NRXN3: variants seen among roughly 807,000 people sequenced by gnomAD.
NRXN3 encodes the protein neurexin 3.
NRXN3 carries 32 observed loss-of-function variants against 137.6 expected under a neutral mutation model. The ratio of observed to expected loss-of-function variants is 0.23; its 90% confidence interval spans 0.18 to 0.31. The LOEUF (loss-of-function observed/expected upper bound fraction) is 0.31, where lower values mean the gene tolerates loss of function less well. NRXN3 is among the 10% of genes least tolerant of loss of function. NRXN3 has a pLI of 1.00. For missense variants in NRXN3, 1,574 were observed against 2,062.5 expected (o/e 0.76, Z 4.59); for synonymous variants, 798 against 784.5 (o/e 1.02, Z -0.29).
At chr14:78,906,692 G>A (rs2099217912) in intron 10 of NRXN3, among the ~76,000 whole-genome samples, 1 of 152,014 alleles carries the variant, frequency 6.6e-6, no homozygotes, top group South Asian at 2.1e-4. Context: ...TGGAAATTGA[G>A]CTGGTTTCAA....
chr14:79,445,811 G>C (rs1261453148), intron 15 of NRXN3, among the ~76,000 whole-genome samples: 1 of 152,092 alleles, frequency 6.6e-6, no homozygotes, highest in Non-Finnish European at 1.5e-5. Flanking sequence ...GGTTGGCAAG[G>C]GTCAGATCAT....
chr14:78,196,469 G>A (rs552175052), intron 1 of NRXN3, among the ~76,000 whole-genome samples: 2 of 152,200 alleles, frequency 1.3e-5, no homozygotes, highest in Non-Finnish European at 2.9e-5. Flanking sequence ...TGCCCTTCTT[G>A]TGCTGGGTAG....
intron 4 of NRXN3, among the ~76,000 whole-genome samples, chr14:78,489,810 G>A (rs74064308): frequency 8.5e-5 from 13 of 152,160 alleles, no homozygotes; most frequent in African/African-American, 3.1e-4. Flanking sequence ...GAAATCAGAG[G>A]CAATCAGGAG....
chr14:78,335,671 C>A (rs2081377731), intron 4 of NRXN3, among the ~76,000 whole-genome samples: 1 of 152,208 alleles, frequency 6.6e-6, no homozygotes. Context: ...CTTCCTCCCA[C>A]CTGCCTTTAG....
intron 20 of NRXN3, among the ~76,000 whole-genome samples, chr14:79,855,647 T>C (rs1473895364): frequency 1.3e-5 from 2 of 152,124 alleles, no homozygotes; most frequent in African/African-American, 4.8e-5. Flanking sequence ...TATATAATTA[T>C]ACTTCTACTT....
chr14:79,198,064 T>C (rs2065383846), intron 15 of NRXN3, among the ~76,000 whole-genome samples: 1 of 152,168 alleles, frequency 6.6e-6, no homozygotes, highest in African/African-American at 2.4e-5. Context: ...AGTAATTCAG[T>C]CCCAGTCCCA....
intron 15 of NRXN3, among the ~76,000 whole-genome samples, chr14:79,261,578 A>G (rs2077580101): frequency 1.5e-5 from 2 of 130,710 alleles, no homozygotes; most frequent in African/African-American, 5.7e-5. Flanking sequence ...GAGTGAGATG[A>G]AATCCCACAG....
intron 2 of NRXN3, among the ~76,000 whole-genome samples, chr14:78,244,039 G>C (rs539355361): frequency 6.6e-6 from 1 of 152,272 alleles, no homozygotes; most frequent in Non-Finnish European, 1.5e-5. Context: ...CTACTCAGAG[G>C]GTTAGATGAA....
At chr14:79,483,648 A>G (rs1047169523) in intron 16 of NRXN3, among the ~76,000 whole-genome samples, 6 of 152,110 alleles carry the variant, frequency 3.9e-5, no homozygotes, top group Non-Finnish European at 7.4e-5. Context: ...ACTCCCAAGG[A>G]TGTATTTGTG....
At chr14:79,212,553 G>A (rs932639527) in intron 15 of NRXN3, among the ~76,000 whole-genome samples, 8 of 152,138 alleles carry the variant, frequency 5.3e-5, no homozygotes, top group Non-Finnish European at 7.3e-5. Context: ...GTCCTTCAGA[G>A]GATGCCAGGC....
chr14:78,302,044 C>T (rs930705169), intron 4 of NRXN3, among the ~76,000 whole-genome samples: 6 of 152,132 alleles, frequency 3.9e-5, no homozygotes, highest in African/African-American at 7.2e-5. Context: ...TCTCCACTGA[C>T]GCTACTTAGT....
chr14:78,753,784 T>C (rs1420024099), intron 8 of NRXN3: 4 of 152,152 alleles, frequency 2.6e-5, no homozygotes, highest in Admixed American at 2.6e-4. Context: ...GATGGTGCAA[T>C]AGACTCTAGG....
intron 4 of NRXN3, among the ~76,000 whole-genome samples, chr14:78,312,476 T>C (rs2078085293): frequency 1.3e-5 from 2 of 152,206 alleles, no homozygotes; most frequent in African/African-American, 4.8e-5. Context: ...TGTGATGATA[T>C]TCACCAGGGA....
chr14:79,821,946 T>A (rs1201224217), intron 20 of NRXN3, among the ~76,000 whole-genome samples: 1 of 152,174 alleles, frequency 6.6e-6, no homozygotes, highest in Non-Finnish European at 1.5e-5. Flanking sequence ...AAGATTTCTA[T>A]TTTAAACTGA....
intron 15 of NRXN3, among the ~76,000 whole-genome samples, chr14:79,133,219 A>G (rs1243719486): frequency 6.6e-6 from 1 of 152,226 alleles, no homozygotes; most frequent in Non-Finnish European, 1.5e-5. Context: ...GCATTGGCTA[A>G]TACCTGTTTG....
At position 79,130,137 on chromosome 14, in the gene NRXN3, G is replaced by T. The variant is rs1294659875; in HGVS notation, c.3262+141996G>T. ...TGGGTCTTGACTCTTTATCCAATTT[G>T]CCAGTCTGTGTCTTTTAATTGGAGC... is the stretch of plus-strand genomic sequence containing the variant. On this transcript the variant is annotated intron_variant, in intron 15 of 20. Transcript: ENST00000335750. Among the ~76,000 whole-genome samples the T allele has an allele frequency of 2.3e-4, 35 of 150,124 alleles. No homozygotes were observed. In the South Asian group the frequency reaches 6.9e-3, roughly 30 times the overall value.
In NRXN3 at chr14:79,642,812, T is replaced by C. The variant is rs1050375511; in HGVS notation, c.3445-20966T>C. On this transcript the variant is annotated intron_variant, in intron 16 of 20. Transcript: ENST00000335750. ...TCTCAAGAAGATGAGATTAGTTTGA[T>C]GTGACTATTCTTTGTGAAGCTGTAC... Among the ~76,000 whole-genome samples the C allele has an allele frequency of 2.9e-5, 4 of 136,196 alleles. 1 individual carries two copies. Among genetic ancestry groups the C allele is most frequent in the Non-Finnish European group, 6.8e-5 (4 of 58,518 alleles). 89.3% of individuals were successfully genotyped at this position (136,196 alleles called of 152,430 possible).
At chr14:79,519,311 A>G (rs1447470480) in intron 16 of NRXN3, among the ~76,000 whole-genome samples, 3 of 152,086 alleles carry the variant, frequency 2.0e-5, no homozygotes, top group South Asian at 2.1e-4. Flanking sequence ...CCTCTTTTTC[A>G]TGATGAGATA....
intron 1 of NRXN3, among the ~76,000 whole-genome samples, chr14:78,233,362 T>G (rs2065720929): frequency 6.6e-6 from 1 of 152,174 alleles, no homozygotes; most frequent in East Asian, 1.9e-4. Flanking sequence ...CCGCAGTTGC[T>G]TATGCCCTAC....
Sources: gnomAD v4.1 joint callset for allele counts (sites outside exome capture counted in the v4.1 genomes callset) on GRCh38, gnomAD v4.1.1 for gene constraint, MANE v1.5 for transcripts, NCBI Gene and HGNC (gene_info 2026-07-23, HGNC 2026-07-21) for gene names.